Variants in FMN1 observed in about 807,000 individuals in gnomAD.
FMN1 encodes formin 1.
FMN1 carries 110 observed loss-of-function variants against 132.4 expected under a neutral mutation model. That is an observed-to-expected ratio of 0.83 (90% confidence interval 0.71 to 0.97). The LOEUF (loss-of-function observed/expected upper bound fraction) is 0.97, where lower values mean the gene tolerates loss of function less well. Among genes scored for constraint, FMN1 ranks in the 50% least tolerant of loss-of-function variants. The pLI, the probability that FMN1 is intolerant of heterozygous loss-of-function variation, is 0.00. For synonymous variants in FMN1, 722 were observed against 651.7 expected (o/e 1.11, Z -1.64); for missense variants, 1,792 against 1,705.3 (o/e 1.05, Z -0.90).
At chr15:32,999,607 G>A (rs1208670818) in intron 7 of FMN1, among the ~76,000 whole-genome samples, 7 of 152,218 alleles carry the variant, frequency 4.6e-5, no homozygotes, top group Non-Finnish European at 1.0e-4. Context: ...AGAGGCCATC[G>A]CTCAGTGAAG....
chr15:33,018,784 C>G (rs2035233475), intron 6 of FMN1, among the ~76,000 whole-genome samples: 1 of 152,152 alleles, frequency 6.6e-6, no homozygotes, highest in South Asian at 2.1e-4. Context: ...TTTCTCCCTT[C>G]TGGTGGGCTG....
At chr15:32,949,084 A>G (rs907463849) in intron 9 of FMN1, among the ~76,000 whole-genome samples, 9 of 152,012 alleles carry the variant, frequency 5.9e-5, no homozygotes, top group African/African-American at 1.7e-4. Flanking sequence ...TCTTATCAGT[A>G]TTTTTGTTTT....
At chr15:33,020,872 TTCATTTGA>T (rs1566835299) in intron 6 of FMN1, among the ~76,000 whole-genome samples, 2 of 152,254 alleles carry the variant, frequency 1.3e-5, no homozygotes. Flanking sequence ...TTTATTGTAT[TTCATTTGA>T]TCATTTTATA....
At chr15:33,173,058 C>T (rs535887931) in intron 3 of FMN1, among the ~76,000 whole-genome samples, 2 of 152,214 alleles carry the variant, frequency 1.3e-5, no homozygotes, top group South Asian at 4.2e-4. Flanking sequence ...AGCTGAAGAA[C>T]CTCATAATAA....
At chr15:32,917,822 C>T (rs1284757089) in intron 10 of FMN1, among the ~76,000 whole-genome samples, 1 of 152,126 alleles carries the variant, frequency 6.6e-6, no homozygotes, top group Non-Finnish European at 1.5e-5. Flanking sequence ...CCACAAAAGG[C>T]TACAAAGAAA....
intron 6 of FMN1, among the ~76,000 whole-genome samples, chr15:33,046,388 T>C (rs1032180270): frequency 3.9e-5 from 6 of 152,224 alleles, no homozygotes; most frequent in African/African-American, 1.2e-4. Context: ...CCTATTAATA[T>C]GCAGAAGCTT....
chr15:32,927,282 T>C (rs2060985477), intron 9 of FMN1, among the ~76,000 whole-genome samples: 1 of 152,168 alleles, frequency 6.6e-6, no homozygotes. Flanking sequence ...TTTGAGATAG[T>C]ATCCAGCGCC....
chr15:32,899,011 C>T (rs764000380), intron 14 of FMN1, 118 bp from the exon 15 acceptor site: 22 of 683,410 alleles, frequency 3.2e-5, no homozygotes, highest in South Asian at 7.4e-5. Flanking sequence ...GCTTTCTCTT[C>T]GATGCTGGCA....
Position 32,908,603 on chromosome 15 carries a change from CAAAA to C in FMN1, c.3289-29_3289-26del, listed in dbSNP as rs71424680. The C allele has an allele frequency of 0.049, 29,018 of 592,500 alleles. 8 individuals are homozygous for C. Among genetic ancestry groups the C allele is most frequent in the Non-Finnish European group, 0.058 (22,405 of 386,972 alleles). 36.7% of individuals were successfully genotyped at this position (592,500 alleles called of 1,614,324 possible). A position where few individuals can be genotyped will look rare whatever the true frequency, so the allele number is the denominator to read the frequency against. Reference sequence around the variant, plus strand: ...TCTGTATCAAAATAGAAAACAAAACCAAAAAAAAAAAAAAAAAAAAGGGAAGTGA... The same window carrying C: ...TCTGTATCAAAATAGAAAACAAAACCAAAAAAAAAAAAAAAAGGGAAGTGA... On this transcript the variant is annotated intron_variant, in intron 11 of 20. Transcript: ENST00000616417.
At chr15:32,860,965 T>C (rs533431324) in intron 16 of FMN1, 1 of 152,332 alleles carries the variant, frequency 6.6e-6, no homozygotes, top group East Asian at 1.9e-4. Context: ...ACATCTGTTT[T>C]AAGGAATCAG....
rs146954351 is a variant in FMN1 at position 33,019,231 on chromosome 15, T to A, written c.2162-11156A>T. On this transcript the variant is annotated intron_variant, in intron 6 of 20. Transcript: ENST00000616417. Reference sequence around the variant, plus strand: ...GAGCTAGACACAAAAGTTCTCCACCTCCCCACTAGATTAGCTAGATACAGA... The same window carrying A: ...GAGCTAGACACAAAAGTTCTCCACCACCCCACTAGATTAGCTAGATACAGA... Among the ~76,000 whole-genome samples the A allele has an allele frequency of 6.8e-3, 1,040 of 152,140 alleles. 9 individuals are homozygous for A. Among genetic ancestry groups the A allele is most frequent in the Non-Finnish European group, 0.011 (773 of 67,998 alleles).
chr15:32,917,167 G>A (rs774931000), intron 10 of FMN1, among the ~76,000 whole-genome samples: 1 of 152,232 alleles, frequency 6.6e-6, no homozygotes, highest in Non-Finnish European at 1.5e-5. Context: ...CCAGTAGAGA[G>A]GGGTGTGGAG....
At chr15:32,815,638 C>T (rs1453985624) in intron 17 of FMN1, among the ~76,000 whole-genome samples, 1 of 152,112 alleles carries the variant, frequency 6.6e-6, no homozygotes, top group Non-Finnish European at 1.5e-5. Context: ...GTGGATTTTC[C>T]AATAACGGAA....
chr15:32,890,112 T>C (rs1448573971), intron 15 of FMN1, among the ~76,000 whole-genome samples: 1 of 151,850 alleles, frequency 6.6e-6, no homozygotes, highest in East Asian at 1.9e-4. Flanking sequence ...TCATTCCTTT[T>C]TATGGCTGAG....
intron 12 of FMN1, among the ~76,000 whole-genome samples, chr15:32,906,438 C>T (rs8026200): frequency 0.11 from 17,066 of 152,248 alleles, 1,327 homozygotes; most frequent in African/African-American, 0.22. Flanking sequence ...TGTTTATATA[C>T]TGCCTGTGGT....
At chr15:32,860,693 T>C (rs2059248955) in intron 16 of FMN1, 1 of 152,182 alleles carries the variant, frequency 6.6e-6, no homozygotes, top group Non-Finnish European at 1.5e-5. Flanking sequence ...TTAGCAATGT[T>C]GACCCAGACT....
At position 33,155,405 on chromosome 15, in the gene FMN1, T is replaced by C. The variant is rs943208185; in HGVS notation, c.-131-360A>G. On this transcript the variant is annotated intron_variant, in intron 3 of 20. Transcript: ENST00000616417. ...ATCATAACTCCCAGAAGTCCTTATC[T>C]AGGGGGCTTTGAGATCCTTAGAAAA... Among the ~76,000 whole-genome samples, 4 of 152,192 alleles carry C rather than the reference T, an allele frequency of 2.6e-5. No individual in the cohort carries two copies. The South Asian group carries it at 6.2e-4, about 24-fold the overall frequency.
intron 6 of FMN1, among the ~76,000 whole-genome samples, chr15:33,026,423 C>CACACACACACACAA (rs1566841208): frequency 1.3e-5 from 2 of 151,712 alleles, no homozygotes; most frequent in African/African-American, 4.8e-5. Context: ...CACACACACA[C>CACACACACACACAA]ACACACACAC....
At chr15:33,000,275 C>T (rs1463591694) in intron 7 of FMN1, among the ~76,000 whole-genome samples, 2 of 151,964 alleles carry the variant, frequency 1.3e-5, no homozygotes, top group African/African-American at 4.8e-5. Context: ...CGGTGAAATC[C>T]CGTCTCTACT....
Sources: gnomAD v4.1 joint callset for allele counts (sites outside exome capture counted in the v4.1 genomes callset) on GRCh38, gnomAD v4.1.1 for gene constraint, MANE v1.5 for transcripts, NCBI Gene and HGNC (gene_info 2026-07-23, HGNC 2026-07-21) for gene names.